CCNF: variants seen among roughly 807,000 people sequenced by gnomAD.
The protein encoded by CCNF is cyclin F.
A neutral mutation model predicts 85.4 loss-of-function variants in CCNF; 30 were observed. That is an observed-to-expected ratio of 0.35 (90% CI 0.26 to 0.48). The LOEUF is 0.48. CCNF is among the 20% of genes least tolerant of loss of function. CCNF has a pLI of 0.99. For missense variants in CCNF, 919 were observed against 1,010.4 expected, an observed-to-expected ratio of 0.91 and a Z score of 1.23; for synonymous variants, 439 against 425.1, an observed-to-expected ratio of 1.03 and a Z score of -0.40.
Position 2,431,280 on chromosome 16 carries a change from G to A in CCNF, c.167G>A (p.Arg56Gln), listed in dbSNP as rs1273802229. Residue 56 changes from arginine to glutamine, a missense_variant, in exon 2 of 17, where the codon CGA (arginine) becomes CAA (glutamine). By Grantham distance (43) the Arg-to-Gln change is conservative. Coordinates refer to ENST00000397066, the MANE Select transcript of CCNF (RefSeq NM_001761.3). The part of the protein sequence containing the change: ...WLSVEDILAV[R>Q]AVHSQLKDLV... ...TCTGTAGAGGACATCCTGGCCGTCC[G>A]AGCTGTAAGTCCCTGCATGAAAACA... The A allele has an allele frequency of 1.2e-5, 20 of 1,613,976 alleles. No individual in the cohort carries two copies. Among genetic ancestry groups the A allele is most frequent in the Non-Finnish European group, 1.4e-5 (17 of 1,179,964 alleles).
intron 10 of CCNF, among the ~76,000 whole-genome samples, chr16:2,445,877 G>A (rs1023436694): frequency 4.6e-5 from 7 of 152,084 alleles, no homozygotes; most frequent in East Asian, 1.9e-4. Flanking sequence ...GCAGGCGTGC[G>A]CCACCATGCC....
Position 2,455,527 on chromosome 16 carries a change from A to G in CCNF, c.1848A>G (p.Glu616=). ...GCCTGGACTGCTGCTCTGGCTATGAAGGCGACCAGGAGAGTGAGGGCGAGA... is the reference window on the plus strand; with the variant it reads ...GCCTGGACTGCTGCTCTGGCTATGAGGGCGACCAGGAGAGTGAGGGCGAGA... The part of the protein sequence containing the change: ...DWSLDCCSGY[E]GDQESEGEKE... The change falls in exon 16 of 17, where the codon GAA becomes GAG. Residue 616 remains glutamate (E), a synonymous_variant. Transcript: ENST00000397066. The G allele has an allele frequency of 6.2e-7, 1 of 1,604,780 alleles. No individual in the cohort carries two copies. Among genetic ancestry groups the G allele is most frequent in the East Asian group, 2.2e-5 (1 of 44,524 alleles).
intron 5 of CCNF, chr16:2,437,860 A>G (rs907303755): frequency 9.3e-6 from 5 of 535,682 alleles, no homozygotes; most frequent in African/African-American, 7.7e-5. Flanking sequence ...GACTATGCCA[A>G]TGCACTCCAG....
intron 8 of CCNF, 37 bp from the exon 9 acceptor site, chr16:2,443,612 T>C: frequency 6.3e-7 from 1 of 1,599,636 alleles, no homozygotes; most frequent in Non-Finnish European, 8.6e-7. Flanking sequence ...GCAACATGGC[T>C]GCTGTCTCAC....
chr16:2,442,942 ATTATT>A (rs1303487906), intron 8 of CCNF, among the ~76,000 whole-genome samples: 1 of 98,610 alleles, frequency 1.0e-5, no homozygotes, highest in African/African-American at 4.2e-5. Context: ...ATTATTATAT[ATTATT>A]ATATTATATA....
rs1335527456 is a variant in CCNF at position 2,450,325 on chromosome 16, CCT to C, written c.1487+411_1487+412del. On this transcript the variant is annotated intron_variant, in intron 13 of 16. Transcript: ENST00000397066. ...ACCAACCTGGTCAACGTGGCAAAAC[CCT>C]GTCTCTACTAAAAAAAAAAAAAAAA... 6.7e-5 allele frequency among the ~76,000 whole-genome samples: 8 copies of C among 119,004 alleles called. No individual in the cohort carries two copies. The Admixed American group carries it at 8.0e-4, about 12-fold the overall frequency. 78.1% of individuals were successfully genotyped at this position (119,004 alleles called of 152,430 possible).
At position 2,457,153 on chromosome 16, in the gene CCNF, C is replaced by T. The variant is rs1290662994; in HGVS notation, c.*133C>T. 1.5e-6 allele frequency: 1 copy of T among 662,788 alleles called. No individual in the cohort carries two copies. The highest frequency in any genetic ancestry group is 2.5e-6 in the Non-Finnish European group (1 of 399,778). 41.1% of individuals were successfully genotyped at this position (662,788 alleles called of 1,614,324 possible). A position where few individuals can be genotyped will look rare whatever the true frequency, so the allele number is the denominator to read the frequency against. ...GAGCAGAGAGGATGACTTGCGGCCA[C>T]CAAGTTTCTGTCTCCGCGGGAGTCC... On this transcript the variant is annotated 3_prime_UTR_variant, in exon 17 of 17. Transcript: ENST00000397066.
chr16:2,449,009 C>T, intron 11 of CCNF, 31 bp downstream of exon 11: 1 of 1,427,364 alleles, frequency 7.0e-7, no homozygotes, highest in Middle Eastern at 1.8e-4. Context: ...CCTTATTAAT[C>T]TTCGTTGTCG....
Position 2,453,239 on chromosome 16 carries a change from G to C in CCNF, c.1517G>C (p.Arg506Thr), listed in dbSNP as rs759632058. ...CFHDDAPKDYRQVSLTAVKQR... is the reference protein window; with the variant it reads ...CFHDDAPKDYTQVSLTAVKQR... ...CATGATGACGCCCCCAAGGACTACA[G>C]GCAAGTCTCTCTGACCGCCGTGAAG... The change falls in exon 14 of 17, where the codon AGG becomes ACG. Residue 506 changes from arginine to threonine, a missense_variant. Arg to Thr is a moderately conservative substitution (Grantham distance 71). Coordinates refer to ENST00000397066, the MANE Select transcript of CCNF (RefSeq NM_001761.3). This position sits in a 1 kb window ranked among gnomAD's most constrained non-coding sequence, Gnocchi z 5.6. 3.1e-6 allele frequency: 5 copies of C among 1,613,626 alleles called. No homozygotes were observed. The highest frequency in any genetic ancestry group is 4.2e-6 in the Non-Finnish European group (5 of 1,180,018).
At chr16:2,436,828 C>G (rs1486735394) in intron 4 of CCNF, 1 of 239,960 alleles carries the variant, frequency 4.2e-6, no homozygotes, top group Non-Finnish European at 8.0e-6. Context: ...TGGTTCCCAG[C>G]TGGAGGGAGG....
chr16:2,444,425 C>T (rs2065350197), intron 9 of CCNF, among the ~76,000 whole-genome samples: 1 of 149,984 alleles, frequency 6.7e-6, no homozygotes, highest in Non-Finnish European at 1.5e-5. Flanking sequence ...TCAGCCTCCT[C>T]AGGAGCTGGG....
chr16:2,433,134 T>A, intron 3 of CCNF, 67 bp downstream of exon 3: 1 of 962,506 alleles, frequency 1.0e-6, no homozygotes, highest in Non-Finnish European at 1.6e-6. Context: ...CCAGTCTGTG[T>A]CTCACGGCCT....
At chr16:2,445,131 G>T (rs567433126) in intron 9 of CCNF, among the ~76,000 whole-genome samples, 1 of 152,274 alleles carries the variant, frequency 6.6e-6, no homozygotes, top group Non-Finnish European at 1.5e-5. Context: ...CTCCCTGCAC[G>T]CCCCGAGGGT....
At chr16:2,448,797 G>A (rs559244938) in intron 10 of CCNF, 58 bp from the exon 11 acceptor site, 51 of 1,566,698 alleles carry the variant, frequency 3.3e-5, no homozygotes, top group African/African-American at 2.0e-4. Context: ...GGGTCCCTCC[G>A]CCCCACCCCT....
intron 15 of CCNF, among the ~76,000 whole-genome samples, chr16:2,455,036 G>A (rs2141831989): frequency 6.7e-6 from 1 of 148,796 alleles, no homozygotes; most frequent in African/African-American, 2.5e-5. Context: ...CTCTAGCCTG[G>A]GCGACAGAGC....
intron 2 of CCNF, among the ~76,000 whole-genome samples, chr16:2,431,836 CT>C (rs112459938): frequency 1.9e-4 from 28 of 145,152 alleles, no homozygotes; most frequent in Admixed American, 3.4e-4. Context: ...AAGAAAGTAC[CT>C]TTTTTTTTTT....
At chr16:2,441,973 A>ATATG (rs2065324654) in intron 8 of CCNF, among the ~76,000 whole-genome samples, 1 of 93,578 alleles carries the variant, frequency 1.1e-5, no homozygotes. Context: ...ATATATATAT[A>ATATG]TATATATATG....
At chr16:2,450,958 G>A (rs1164098541) in intron 13 of CCNF, among the ~76,000 whole-genome samples, 5 of 152,212 alleles carry the variant, frequency 3.3e-5, no homozygotes, top group East Asian at 1.9e-4. Context: ...CCCTTGCGCC[G>A]TCGTGCCCGG....
chr16:2,452,985 A>T lies in CCNF; in HGVS notation c.1488-225A>T, dbSNP rs1167941121. The stretch of plus-strand genomic sequence containing the variant: ...TGAACAGTCCTGCCATGAACATTCT[A>T]GTACAGGTTTCTGTGTGGACATAGT... On this transcript the variant is annotated intron_variant, in intron 13 of 16. Coordinates refer to ENST00000397066, the MANE Select transcript of CCNF (RefSeq NM_001761.3). This position sits in a 1 kb window ranked among gnomAD's most constrained non-coding sequence, Gnocchi z 4.1. 1.7e-6 allele frequency: 1 copy of T among 587,118 alleles called. No homozygotes were observed. Among genetic ancestry groups the T allele is most frequent in the East Asian group, 2.8e-5 (1 of 35,200 alleles). 36.4% of individuals were successfully genotyped at this position (587,118 alleles called of 1,614,324 possible). A position where few individuals can be genotyped will look rare whatever the true frequency, so the allele number is the denominator to read the frequency against.
Sources: allele counts gnomAD v4.1 joint callset (sites outside exome capture counted in the v4.1 genomes callset), GRCh38; gene constraint gnomAD v4.1.1; non-coding constraint Gnocchi (gnomAD v3.1); transcripts MANE v1.5; gene names NCBI Gene and HGNC (gene_info 2026-07-23, HGNC 2026-07-21).